SLC9D1: variants seen among roughly 807,000 people sequenced by gnomAD.
SLC9D1 encodes the protein putative LAG1-interacting protein.
At chr13:113,518,889 A>G in the SLC9D1 span, among the ~76,000 whole-genome samples, 7,598 of 152,324 alleles carry the variant, frequency 0.05, 278 homozygotes, top group Non-Finnish European at 0.078. Context: ...TTAATTTTGT[A>G]CAATAAGTCA....
At chr13:113,529,454 T>C in the SLC9D1 span, 5 of 151,988 alleles carry the variant, frequency 3.3e-5, no homozygotes, top group African/African-American at 1.2e-4. Flanking sequence ...ATCGAGACCA[T>C]CCTGGCTAAC....
At chr13:113,544,141 G>A in the SLC9D1 span, among the ~76,000 whole-genome samples, 11 of 152,218 alleles carry the variant, frequency 7.2e-5, no homozygotes, top group African/African-American at 1.2e-4. Flanking sequence ...CGGTGCAGCC[G>A]CAGAGACTCC....
the SLC9D1 span, chr13:113,506,015 T>G: frequency 6.3e-6 from 1 of 157,726 alleles, no homozygotes; most frequent in South Asian, 1.7e-4. Context: ...TTATATTTCT[T>G]GTAAATTGTT....
the SLC9D1 span, among the ~76,000 whole-genome samples, chr13:113,547,816 G>A: frequency 6.6e-6 from 1 of 152,184 alleles, no homozygotes; most frequent in African/African-American, 2.4e-5. Flanking sequence ...GTGGCTTTCT[G>A]GCTCATAGAC....
At chr13:113,506,840 G>A in the SLC9D1 span, among the ~76,000 whole-genome samples, 1 of 152,194 alleles carries the variant, frequency 6.6e-6, no homozygotes, top group African/African-American at 2.4e-5. Context: ...AGGTAATTGT[G>A]AGCAGCGTGA....
At chr13:113,518,062 A>G in the SLC9D1 span, among the ~76,000 whole-genome samples, 48 of 152,252 alleles carry the variant, frequency 3.2e-4, no homozygotes, top group African/African-American at 1.1e-3. Flanking sequence ...AAAGGAATGG[A>G]AAACAGGAAG....
chr13:113,535,608 C>T, the SLC9D1 span, among the ~76,000 whole-genome samples: 10 of 152,318 alleles, frequency 6.6e-5, no homozygotes, highest in South Asian at 1.7e-3. This position sits in a 1 kb window ranked among gnomAD's most constrained non-coding sequence, Gnocchi z 4.1. Context: ...TACCACGGAA[C>T]GCCACCCAGC....
the SLC9D1 span, among the ~76,000 whole-genome samples, chr13:113,544,048 G>A: frequency 1.3e-5 from 2 of 152,244 alleles, no homozygotes; most frequent in Non-Finnish European, 2.9e-5. Flanking sequence ...TTGCCTCTGT[G>A]CGTGGGACCC....
chr13:113,496,041 GGAGAGAGAGAGAGA>G, the SLC9D1 span: 2 of 1,507,556 alleles, frequency 1.3e-6, no homozygotes, highest in Non-Finnish European at 1.8e-6. Flanking sequence ...TCCTAGAGAG[GGAGAGAGAGAGAGA>G]GGGAGAGGGA....
chr13:113,494,890 G>GT, the SLC9D1 span, among the ~76,000 whole-genome samples: 35 of 148,726 alleles, frequency 2.4e-4, no homozygotes, highest in Non-Finnish European at 3.0e-4. Context: ...TTCTGTTTTT[G>GT]TTTTTTTTTT....
the SLC9D1 span, among the ~76,000 whole-genome samples, chr13:113,516,687 C>G: frequency 6.6e-6 from 1 of 152,280 alleles, no homozygotes; most frequent in African/African-American, 2.4e-5. Flanking sequence ...ACTCTTCTTA[C>G]ATGGATTTTG....
the SLC9D1 span, among the ~76,000 whole-genome samples, chr13:113,509,469 CTT>C: frequency 6.6e-6 from 1 of 151,732 alleles, no homozygotes; most frequent in Non-Finnish European, 1.5e-5. Context: ...GACTGGCAGG[CTT>C]CTTGGGTGGG....
At chr13:113,507,234 G>C in the SLC9D1 span, among the ~76,000 whole-genome samples, 1 of 150,686 alleles carries the variant, frequency 6.6e-6, no homozygotes, top group African/African-American at 2.4e-5. Context: ...CTGGTTCATG[G>C]AGACGGCATC....
chr13:113,548,412 T>C, the SLC9D1 span: 1 of 1,612,442 alleles, frequency 6.2e-7, no homozygotes, highest in Non-Finnish European at 8.5e-7. Context: ...TCCTTTGTCC[T>C]GGGGAGCCGG....
the SLC9D1 span, chr13:113,534,193 G>A: frequency 1.2e-6 from 2 of 1,612,728 alleles, no homozygotes; most frequent in East Asian, 2.2e-5. Flanking sequence ...GGGGAACAAA[G>A]AAATCCTGAT....
At chr13:113,548,591 C>A in the SLC9D1 span, 1 of 887,356 alleles carries the variant, frequency 1.1e-6, no homozygotes, top group Non-Finnish European at 1.7e-6. Context: ...ACGCAGAGGC[C>A]TGGCTGCTCT....
chr13:113,512,168 C>T, the SLC9D1 span, among the ~76,000 whole-genome samples: 13 of 139,336 alleles, frequency 9.3e-5, no homozygotes, highest in African/African-American at 3.3e-4. Context: ...TCGCGGGGGC[C>T]GGGACTGGAG....
At chr13:113,513,994 G>A in the SLC9D1 span, among the ~76,000 whole-genome samples, 1 of 152,230 alleles carries the variant, frequency 6.6e-6, no homozygotes. Flanking sequence ...AAGCTGGGGA[G>A]ATCGACTTAC....
the SLC9D1 span, among the ~76,000 whole-genome samples, chr13:113,516,028 C>A: frequency 6.6e-6 from 1 of 151,144 alleles, no homozygotes. Flanking sequence ...ATGAGATAAT[C>A]TCATCTGCTT....
Sources: gnomAD v4.1 joint callset for allele counts (sites outside exome capture counted in the v4.1 genomes callset) on GRCh38, gnomAD v4.1.1 for gene constraint, Gnocchi (gnomAD v3.1) non-coding constraint, MANE v1.5 for transcripts, NCBI Gene and HGNC (gene_info 2026-07-23, HGNC 2026-07-21) for gene names.